The following PTPN1 variants were observed in gnomAD, a reference collection of about 807,000 sequenced individuals.
PTPN1 encodes tyrosine-protein phosphatase non-receptor type 1.
Under a neutral mutation model 59.9 loss-of-function variants are expected in PTPN1, and 12 were observed. That is an observed-to-expected ratio of 0.20 (90% CI 0.13 to 0.32). The LOEUF (loss-of-function observed/expected upper bound fraction) is 0.32, where lower values mean the gene tolerates loss of function less well. Among genes scored for constraint, PTPN1 ranks in the 10% least tolerant of loss-of-function variants. The pLI, the probability that PTPN1 is intolerant of heterozygous loss-of-function variation, is 1.00. For synonymous variants in PTPN1, 178 were observed against 203.6 expected (o/e 0.87, Z 1.07); for missense variants, 356 against 549.2 (o/e 0.65, Z 3.52).
chr20:50,584,476 A>G lies in PTPN1; in HGVS notation c.*1761A>G, dbSNP rs2082887856. 1 of 152,634 alleles carries G rather than the reference A, an allele frequency of 6.6e-6. No homozygotes were observed. Among genetic ancestry groups the G allele is most frequent in the African/African-American group, 2.4e-5 (1 of 41,438 alleles). The allele number at this position is 152,634 out of a possible 1,614,324, so 9.5% of individuals were successfully genotyped here. ...TAGAGAGGTAGCGAGCTGCTCTGCT[A>G]TATGCCTTAAGCCAATATTTACTCA... On this transcript the variant is annotated 3_prime_UTR_variant, in exon 10 of 10. Coordinates refer to ENST00000371621, the MANE Select transcript of PTPN1 (RefSeq NM_002827.4).
intron 1 of PTPN1, among the ~76,000 whole-genome samples, chr20:50,527,949 C>T (rs1273362714): frequency 6.6e-6 from 1 of 152,162 alleles, no homozygotes; most frequent in African/African-American, 2.4e-5. Context: ...TGAGCCATCT[C>T]ATTCACTCAC....
intron 1 of PTPN1, among the ~76,000 whole-genome samples, chr20:50,515,580 C>T (rs1220588175): frequency 6.6e-6 from 1 of 152,178 alleles, no homozygotes; most frequent in African/African-American, 2.4e-5. Context: ...GTATGAGACA[C>T]TGTGCCCAGC....
At chr20:50,567,702 C>T (rs1271043542) in intron 3 of PTPN1, among the ~76,000 whole-genome samples, 1 of 152,168 alleles carries the variant, frequency 6.6e-6, no homozygotes, top group African/African-American at 2.4e-5. Context: ...CCTTGGGCCA[C>T]CTCATTGACC....
chr20:50,566,181 G>T (rs2082778329), intron 3 of PTPN1, among the ~76,000 whole-genome samples: 1 of 152,224 alleles, frequency 6.6e-6, no homozygotes, highest in African/African-American at 2.4e-5. Flanking sequence ...AGGCTGATGG[G>T]GGAGGGGGTT....
At chr20:50,524,344 G>A (rs1326036369) in intron 1 of PTPN1, among the ~76,000 whole-genome samples, 2 of 152,078 alleles carry the variant, frequency 1.3e-5, no homozygotes, top group East Asian at 1.9e-4. Flanking sequence ...ATCCAAGTAT[G>A]TATGCAGATA....
intron 1 of PTPN1, among the ~76,000 whole-genome samples, chr20:50,537,905 C>A (rs866872722): frequency 6.6e-6 from 1 of 152,042 alleles, no homozygotes; most frequent in South Asian, 2.1e-4. Flanking sequence ...TCAAATGGCC[C>A]GTAATTTAAG....
chr20:50,562,252 C>T (rs1046684931), intron 2 of PTPN1, among the ~76,000 whole-genome samples: 8 of 152,184 alleles, frequency 5.3e-5, no homozygotes, highest in Admixed American at 2.0e-4. Flanking sequence ...GAAGATTCTC[C>T]AGTCATTCCT....
rs1413024776 is a variant in PTPN1 at position 50,579,683 on chromosome 20, C to T, written c.865-20C>T. ...GCCGAAGTGAACACTAATAGGACTT[C>T]CTCTTGCTGCTCTTTCAAGGATCAG... On this transcript the variant is annotated intron_variant, in intron 7 of 9. Coordinates refer to ENST00000371621, the MANE Select transcript of PTPN1 (RefSeq NM_002827.4). 1 of 1,601,074 alleles carries T rather than the reference C, an allele frequency of 6.2e-7. No homozygotes were observed. Among genetic ancestry groups the T allele is most frequent in the African/African-American group, 1.3e-5 (1 of 74,686 alleles).
intron 5 of PTPN1, among the ~76,000 whole-genome samples, chr20:50,576,783 G>A (rs2082838987): frequency 6.6e-6 from 1 of 152,014 alleles, no homozygotes; most frequent in Non-Finnish European, 1.5e-5. Context: ...GGCTGAGGCA[G>A]AGAATTGCTT....
At chr20:50,524,792 G>T (rs1176363574) in intron 1 of PTPN1, among the ~76,000 whole-genome samples, 1 of 151,718 alleles carries the variant, frequency 6.6e-6, no homozygotes, top group Admixed American at 6.6e-5. Flanking sequence ...GGTCAGGCTG[G>T]TCTCGAACTC....
At chr20:50,530,308 C>CT (rs1018974905) in intron 1 of PTPN1, among the ~76,000 whole-genome samples, 33 of 151,904 alleles carry the variant, frequency 2.2e-4, no homozygotes, top group African/African-American at 7.5e-4. Context: ...AGTAAAACCC[C>CT]TTGCAGTAAA....
intron 4 of PTPN1, chr20:50,574,251 C>T: frequency 2.3e-6 from 1 of 435,224 alleles, no homozygotes; most frequent in Non-Finnish European, 4.0e-6. Context: ...CGTCAGAGCC[C>T]TGCAGGATCC....
At chr20:50,574,998 TC>T in intron 5 of PTPN1, 1 of 242,114 alleles carries the variant, frequency 4.1e-6, no homozygotes, top group Non-Finnish European at 7.8e-6. Context: ...TTCTTTGTGG[TC>T]CTCAGTCTTC....
chr20:50,548,802 C>T (rs906198986), intron 1 of PTPN1, among the ~76,000 whole-genome samples: 1 of 152,212 alleles, frequency 6.6e-6, no homozygotes, highest in African/African-American at 2.4e-5. Flanking sequence ...ACTGCAACCT[C>T]TGCCTCCTGG....
chr20:50,546,051 G>A (rs751567345), intron 1 of PTPN1, among the ~76,000 whole-genome samples: 43 of 151,984 alleles, frequency 2.8e-4, no homozygotes, highest in Non-Finnish European at 1.3e-4. Flanking sequence ...CGAAAAGAAA[G>A]AAGAAGAATT....
intron 1 of PTPN1, among the ~76,000 whole-genome samples, chr20:50,542,285 G>C (rs2082656554): frequency 6.6e-6 from 1 of 152,202 alleles, no homozygotes; most frequent in South Asian, 2.1e-4. Context: ...AGCACAAGAT[G>C]AATGTATCTT....
chr20:50,559,631 T>C (rs1391527853), intron 1 of PTPN1, among the ~76,000 whole-genome samples: 1 of 89,820 alleles, frequency 1.1e-5, no homozygotes, highest in Non-Finnish European at 2.5e-5. Flanking sequence ...TTGCTAATTT[T>C]CTATTTTTTT....
chr20:50,574,410 C>T (rs2122796501), intron 4 of PTPN1, 107 bp from the exon 5 acceptor site: 1 of 1,185,948 alleles, frequency 8.4e-7, no homozygotes, highest in Non-Finnish European at 1.2e-6. Context: ...TTCAGAAACC[C>T]CCAGGCCTTT....
intron 1 of PTPN1, among the ~76,000 whole-genome samples, chr20:50,541,956 T>C (rs1393916533): frequency 2.6e-5 from 4 of 152,238 alleles, no homozygotes; most frequent in African/African-American, 9.6e-5. Context: ...CCAACCTTGA[T>C]GTTTTTCCCT....
Sources: allele counts gnomAD v4.1 joint callset (sites outside exome capture counted in the v4.1 genomes callset), GRCh38; gene constraint gnomAD v4.1.1; transcripts MANE v1.5; gene names NCBI Gene and HGNC (gene_info 2026-07-23, HGNC 2026-07-21).